The following NOL4L variants were observed in gnomAD, a reference collection of about 807,000 sequenced individuals.
NOL4L encodes the protein nucleolar protein 4 like, also known as nucleolar protein 4-like.
A neutral mutation model predicts 64.5 loss-of-function variants in NOL4L; 7 were observed. That is an observed-to-expected ratio of 0.11 (90% CI 0.06 to 0.20). NOL4L has a LOEUF of 0.20. Among genes scored for constraint, NOL4L ranks in the 10% least tolerant of loss-of-function variants. The pLI, the probability that NOL4L is intolerant of heterozygous loss-of-function variation, is 1.00. For missense variants in NOL4L, 680 were observed against 967.1 expected, an observed-to-expected ratio of 0.70 and a Z score of 3.94; for synonymous variants, 413 against 401.0, an observed-to-expected ratio of 1.03 and a Z score of -0.36.
chr20:32,455,600 G>A (rs902371842), intron 6 of NOL4L, among the ~76,000 whole-genome samples: 1 of 152,154 alleles, frequency 6.6e-6, no homozygotes, highest in Non-Finnish European at 1.5e-5. Flanking sequence ...AAGCAGGGGG[G>A]ATGCCCACTG....
intron 2 of NOL4L, among the ~76,000 whole-genome samples, chr20:32,525,672 G>T (rs931618975): frequency 2.0e-5 from 3 of 152,120 alleles, no homozygotes; most frequent in Non-Finnish European, 4.4e-5. Flanking sequence ...ATAGCTCACT[G>T]CAGCCTCAAG....
intron 5 of NOL4L, among the ~76,000 whole-genome samples, chr20:32,467,259 T>G (rs1211643597): frequency 6.6e-6 from 1 of 150,884 alleles, no homozygotes; most frequent in Non-Finnish European, 1.5e-5. Context: ...CCCATCAGTG[T>G]GGGCACCTGG....
intron 5 of NOL4L, among the ~76,000 whole-genome samples, chr20:32,459,923 T>G (rs78437750): frequency 0.024 from 3,723 of 152,196 alleles, 155 homozygotes; most frequent in African/African-American, 0.084. Context: ...GCCATGAAAA[T>G]GAATGAAGTT....
intron 2 of NOL4L, among the ~76,000 whole-genome samples, chr20:32,525,411 G>A (rs1039040787): frequency 3.3e-5 from 5 of 152,226 alleles, no homozygotes; most frequent in African/African-American, 1.2e-4. Context: ...CAGGCTCTGG[G>A]GTGGGTGGCC....
At chr20:32,505,245 G>A (rs1053064775) in intron 4 of NOL4L, among the ~76,000 whole-genome samples, 4 of 152,116 alleles carry the variant, frequency 2.6e-5, no homozygotes, top group Non-Finnish European at 5.9e-5. Context: ...CTGGGCAGGG[G>A]GGAGATTGAG....
chr20:32,488,116 G>A, intron 4 of NOL4L, among the ~76,000 whole-genome samples: 1 of 152,100 alleles, frequency 6.6e-6, no homozygotes, highest in Non-Finnish European at 1.5e-5. Flanking sequence ...TTTTAGTAGA[G>A]ATGGAGTTTT....
intron 4 of NOL4L, among the ~76,000 whole-genome samples, chr20:32,480,805 T>C (rs1302969910): frequency 6.6e-6 from 1 of 151,834 alleles, no homozygotes; most frequent in Non-Finnish European, 1.5e-5. Context: ...AACAGGAGGG[T>C]GGTCTGAGCC....
intron 3 of NOL4L, among the ~76,000 whole-genome samples, chr20:32,515,436 T>G (rs994158169): frequency 2.0e-5 from 3 of 151,208 alleles, no homozygotes; most frequent in Non-Finnish European, 4.4e-5. Flanking sequence ...GGGTGGGAGG[T>G]CAGAGCTCAA....
chr20:32,536,355 G>A (rs755496831), intron 1 of NOL4L: 1 of 982,022 alleles, frequency 1.0e-6, no homozygotes, highest in African/African-American at 1.8e-5. Flanking sequence ...CCCCAGGTGC[G>A]GGCCCCACCC....
At chr20:32,465,195 G>A in intron 5 of NOL4L, 1 of 462,640 alleles carries the variant, frequency 2.2e-6, no homozygotes, top group East Asian at 3.5e-5. Flanking sequence ...CAGGCGGCGG[G>A]TAACTCATCA....
At chr20:32,556,285 G>GT (rs1491221364) in intron 1 of NOL4L, among the ~76,000 whole-genome samples, 1 of 151,458 alleles carries the variant, frequency 6.6e-6, no homozygotes, top group African/African-American at 2.4e-5. Flanking sequence ...GGGGGGGGGG[G>GT]GTTTCCCTGG....
intron 1 of NOL4L, among the ~76,000 whole-genome samples, chr20:32,574,058 A>G (rs1979930475): frequency 6.6e-6 from 1 of 152,220 alleles, no homozygotes; most frequent in African/African-American, 2.4e-5. Context: ...CCCTTGGGGT[A>G]CGGGTTTTAT....
Position 32,461,509 on chromosome 20 carries a change from G to A in NOL4L, c.842-5114C>T, listed in dbSNP as rs369581345. Among the ~76,000 whole-genome samples, 60 of 142,396 alleles carry A rather than the reference G, an allele frequency of 4.2e-4. 1 individual carries two copies. The highest frequency in any genetic ancestry group is 1.5e-3 in the African/African-American group (55 of 37,900). 93.4% of individuals were successfully genotyped at this position (142,396 alleles called of 152,430 possible). A position where few individuals can be genotyped will look rare whatever the true frequency, so the allele number is the denominator to read the frequency against. On this transcript the variant is annotated intron_variant, in intron 5 of 10. Coordinates refer to ENST00000621426, the MANE Select transcript of NOL4L (RefSeq NM_001256798.2). ...GTGATCTCGGCTCACTGCAAGCTCCGCCTCCCGGGTTCATGCCATTCTCCT... is the reference window on the plus strand; with the variant it reads ...GTGATCTCGGCTCACTGCAAGCTCCACCTCCCGGGTTCATGCCATTCTCCT...
chr20:32,518,703 C>G (rs1300307844), intron 3 of NOL4L, among the ~76,000 whole-genome samples: 1 of 152,224 alleles, frequency 6.6e-6, no homozygotes, highest in Non-Finnish European at 1.5e-5. Flanking sequence ...CGGGAGGGGA[C>G]AGGCGGATGG....
At chr20:32,571,867 G>A (rs1231930528) in intron 1 of NOL4L, among the ~76,000 whole-genome samples, 1 of 152,234 alleles carries the variant, frequency 6.6e-6, no homozygotes. Context: ...TCCCAGCCTC[G>A]GCTGATGTGG....
intron 1 of NOL4L, chr20:32,536,029 G>T (rs1263975914): frequency 1.0e-6 from 1 of 985,568 alleles, no homozygotes; most frequent in South Asian, 4.7e-5. Context: ...CCAGGCAAGG[G>T]GCTGTCCTGC....
intron 5 of NOL4L, among the ~76,000 whole-genome samples, chr20:32,466,428 G>A (rs770422115): frequency 1.2e-4 from 18 of 152,200 alleles, no homozygotes; most frequent in Non-Finnish European, 2.2e-4. Flanking sequence ...TTGGCGGGCC[G>A]GGGCCCAGCA....
intron 4 of NOL4L, among the ~76,000 whole-genome samples, chr20:32,500,275 C>A (rs1412779069): frequency 6.6e-6 from 1 of 151,622 alleles, no homozygotes; most frequent in African/African-American, 2.4e-5. Context: ...GTCTTGAACT[C>A]CTGAACTCAA....
chr20:32,491,090 T>C (rs2016450436), intron 4 of NOL4L, among the ~76,000 whole-genome samples: 1 of 152,162 alleles, frequency 6.6e-6, no homozygotes, highest in South Asian at 2.1e-4. Flanking sequence ...CAAGTGCAGG[T>C]GACATGGCAA....
Sources: allele counts gnomAD v4.1 joint callset (sites outside exome capture counted in the v4.1 genomes callset), GRCh38; gene constraint gnomAD v4.1.1; transcripts MANE v1.5; gene names NCBI Gene and HGNC (gene_info 2026-07-23, HGNC 2026-07-21).